The following DTL variants were observed in gnomAD, a reference collection of about 807,000 sequenced individuals.
The protein encoded by DTL is denticleless protein homolog.
Under a neutral mutation model 87.0 loss-of-function variants are expected in DTL, and 46 were observed. That is an observed-to-expected ratio of 0.53 (90% CI 0.42 to 0.68). The LOEUF is 0.68. DTL is among the 30% of genes least tolerant of loss of function. DTL has a pLI of 0.00. For synonymous variants in DTL, 308 were observed against 311.2 expected (o/e 0.99, Z 0.11); for missense variants, 737 against 869.4 (o/e 0.85, Z 1.91).
chr1:212,087,833 G>C (rs1232202062), intron 13 of DTL, among the ~76,000 whole-genome samples: 1 of 152,120 alleles, frequency 6.6e-6, no homozygotes, highest in African/African-American at 2.4e-5. Flanking sequence ...TTTCATTGCT[G>C]TCCTGGGCTG....
chr1:212,062,733 T>C (rs1163316616), intron 5 of DTL, 151 bp from the exon 6 acceptor site: 23 of 566,122 alleles, frequency 4.1e-5, no homozygotes, highest in Non-Finnish European at 3.1e-6. Flanking sequence ...TTTTCCTATT[T>C]GTTATTGAGC....
At chr1:212,085,677 ACT>A (rs761578876) in intron 13 of DTL, among the ~76,000 whole-genome samples, 1 of 152,066 alleles carries the variant, frequency 6.6e-6, no homozygotes, top group Non-Finnish European at 1.5e-5. Context: ...TTCCTTTGTC[ACT>A]TATGCTTTTG....
chr1:212,052,744 T>A (rs1469467329), intron 5 of DTL, among the ~76,000 whole-genome samples: 2 of 152,054 alleles, frequency 1.3e-5, no homozygotes, highest in Non-Finnish European at 2.9e-5. Context: ...ATATATATTT[T>A]TTTTCAATTA....
Position 212,100,760 on chromosome 1 carries a change from C to T in DTL, c.1770C>T (p.Cys590=), listed in dbSNP as rs1431332961. ...AAAATCTTCATTTGGATCTGTGCTG[C>T]CTTGCTGGTAACCAGGAAGACCTTA... ...QVENLHLDLC[C]LAGNQEDLSK... The change falls in exon 14 of 15, where the codon TGC becomes TGT. Residue 590 remains cysteine, a synonymous_variant. Transcript: ENST00000366991. 2 of 1,614,068 alleles carry T rather than the reference C, an allele frequency of 1.2e-6. No homozygotes were observed. Among genetic ancestry groups the T allele is most frequent in the Admixed American group, 1.7e-5 (1 of 60,010 alleles).
At chr1:212,080,068 G>A (rs535858132) in intron 12 of DTL, among the ~76,000 whole-genome samples, 2 of 152,174 alleles carry the variant, frequency 1.3e-5, no homozygotes, top group African/African-American at 4.8e-5. Flanking sequence ...TAGGGAACTT[G>A]TTGTTTTCCC....
At chr1:212,051,820 T>C in intron 5 of DTL, 1 of 776,350 alleles carries the variant, frequency 1.3e-6, no homozygotes. Flanking sequence ...TTGTAGACTC[T>C]TCCAGTTTTG....
chr1:212,103,022 A>G lies in DTL; in HGVS notation c.*82A>G. On this transcript the variant is annotated 3_prime_UTR_variant, in exon 15 of 15. Transcript: ENST00000366991. The stretch of plus-strand genomic sequence containing the variant: ...TCCACTAAAACAAGATGAAAAATAC[A>G]AGAGTGACTCTATAACTCTGGTCTT... 6 of 773,682 alleles carry G rather than the reference A, an allele frequency of 7.8e-6. No homozygotes were observed. The South Asian group carries it at 1.1e-4, about 14-fold the overall frequency. The allele number at this position is 773,682 out of a possible 1,614,324, so 47.9% of individuals were successfully genotyped here. A position where few individuals can be genotyped will look rare whatever the true frequency, so the allele number is the denominator to read the frequency against.
intron 10 of DTL, among the ~76,000 whole-genome samples, chr1:212,071,629 C>A (rs1043242333): frequency 1.3e-5 from 2 of 151,864 alleles, no homozygotes; most frequent in African/African-American, 4.8e-5. Flanking sequence ...GTTTGAGGAT[C>A]TACTCTGTTC....
intron 5 of DTL, among the ~76,000 whole-genome samples, chr1:212,059,599 G>A (rs1668278883): frequency 6.6e-6 from 1 of 152,008 alleles, no homozygotes; most frequent in African/African-American, 2.4e-5. Flanking sequence ...CCTTTCCCTT[G>A]AGAACTGGAA....
At chr1:212,055,958 G>A (rs750393424) in intron 5 of DTL, among the ~76,000 whole-genome samples, 2 of 152,182 alleles carry the variant, frequency 1.3e-5, no homozygotes, top group Non-Finnish European at 2.9e-5. Flanking sequence ...TACCACCATA[G>A]CTGGCACCAA....
chr1:212,104,341 C>G lies in DTL; in HGVS notation c.*1401C>G, dbSNP rs866565545. The G allele has an allele frequency of 9.2e-5, 14 of 151,824 alleles. No individual in the cohort carries two copies. The highest frequency in any genetic ancestry group is 2.0e-4 in the Admixed American group (3 of 15,240). The allele number at this position is 151,824 out of a possible 1,614,324, so 9.4% of individuals were successfully genotyped here. ...ATCTTATAAGTTAAAGCTGTAACAA[C>G]TGAAATTGCATGGATCAAGTAAGCA... is the stretch of plus-strand genomic sequence containing the variant. On this transcript the variant is annotated 3_prime_UTR_variant, in exon 15 of 15. Transcript: ENST00000366991.
intron 5 of DTL, among the ~76,000 whole-genome samples, chr1:212,055,461 CTG>C (rs998410392): frequency 6.6e-6 from 1 of 152,212 alleles, no homozygotes; most frequent in African/African-American, 2.4e-5. Flanking sequence ...CCCCACCAGA[CTG>C]TGTCCTGCCC....
In DTL at chr1:212,100,241, C is replaced by T; in HGVS notation, c.1262-11C>T. On this transcript the variant is annotated splice_polypyrimidine_tract_variant and intron_variant, in intron 13 of 14. Coordinates refer to ENST00000366991, the MANE Select transcript of DTL (RefSeq NM_016448.4). ...CACTTCTGATCTTCATGATCCTCTC[C>T]TCTTTTTCAGTAACAGTAACGAGTA... 1 of 1,518,760 alleles carries T rather than the reference C, an allele frequency of 6.6e-7. No homozygotes were observed. The highest frequency in any genetic ancestry group is 1.4e-5 in the African/African-American group (1 of 71,774). 94.1% of individuals were successfully genotyped at this position (1,518,760 alleles called of 1,614,324 possible).
chr1:212,102,856 C>G lies in DTL; in HGVS notation c.2109C>G (p.Pro703=). ...KKLPSPVTIT[P]SSMRKICTYF... ...TCTTCTTCTAGGTCACCATCACGCCCAGCTCCATGAGGAAAATCTGCACAT... is the reference window on the plus strand; with the variant it reads ...TCTTCTTCTAGGTCACCATCACGCCGAGCTCCATGAGGAAAATCTGCACAT... Residue 703 remains proline (P), a synonymous_variant, in exon 15 of 15, where the codon CCC becomes CCG. Coordinates refer to ENST00000366991, the MANE Select transcript of DTL (RefSeq NM_016448.4). The G allele has an allele frequency of 6.2e-7, 1 of 1,611,734 alleles. No homozygotes were observed. The highest frequency in any genetic ancestry group is 1.1e-5 in the South Asian group (1 of 90,896).
chr1:212,039,194 T>G (rs936780326), intron 1 of DTL, among the ~76,000 whole-genome samples: 13 of 152,210 alleles, frequency 8.5e-5, no homozygotes, highest in Admixed American at 2.0e-4. Flanking sequence ...ATTCAATTAT[T>G]AGTACTATAT....
chr1:212,076,735 A>C (rs1479256084), intron 11 of DTL, among the ~76,000 whole-genome samples: 1 of 152,210 alleles, frequency 6.6e-6, no homozygotes, highest in Non-Finnish European at 1.5e-5. Flanking sequence ...AGAGGAGGAA[A>C]GGAAAATTTC....
At chr1:212,048,958 T>G (rs1048613439) in intron 5 of DTL, among the ~76,000 whole-genome samples, 2 of 152,168 alleles carry the variant, frequency 1.3e-5, no homozygotes, top group African/African-American at 2.4e-5. Flanking sequence ...AGTCTCACTC[T>G]GTTGCCCAGG....
chr1:212,095,661 T>C (rs752644357), intron 13 of DTL, among the ~76,000 whole-genome samples: 2 of 152,208 alleles, frequency 1.3e-5, no homozygotes, highest in Non-Finnish European at 2.9e-5. Context: ...ATTCTGTTTA[T>C]ATGGTGTATC....
intron 11 of DTL, among the ~76,000 whole-genome samples, chr1:212,073,020 C>T (rs942334345): frequency 2.0e-5 from 3 of 152,106 alleles, no homozygotes; most frequent in Admixed American, 6.5e-5. Flanking sequence ...CCAACTTGGC[C>T]TCCCAAAGTG....
Sources: allele counts gnomAD v4.1 joint callset (sites outside exome capture counted in the v4.1 genomes callset), GRCh38; gene constraint gnomAD v4.1.1; transcripts MANE v1.5; gene names NCBI Gene and HGNC (gene_info 2026-07-23, HGNC 2026-07-21).